The following CEP128 variants were observed in gnomAD, a reference collection of about 807,000 sequenced individuals.
The protein encoded by CEP128 is centrosomal protein 128, also known as centrosomal protein 128kDa.
In CEP128, 132 loss-of-function variants were observed where a neutral mutation model predicts 156.7. That is an observed-to-expected ratio of 0.84 (90% CI 0.73 to 0.97). CEP128 has a LOEUF of 0.97. CEP128 is among the 50% of genes least tolerant of loss of function. The pLI, the probability that CEP128 is intolerant of heterozygous loss-of-function variation, is 0.00. For synonymous variants in CEP128, 469 were observed against 448.9 expected (o/e 1.04, Z -0.57); for missense variants, 1,252 against 1,281.9 (o/e 0.98, Z 0.36).
At chr14:80,704,003 G>T (rs1342550446) in intron 19 of CEP128, among the ~76,000 whole-genome samples, 1 of 152,010 alleles carries the variant, frequency 6.6e-6, no homozygotes, top group African/African-American at 2.4e-5. Flanking sequence ...TCTTAATTTA[G>T]ATTCAACCCA....
At chr14:80,761,356 T>C (rs1899957212) in intron 17 of CEP128, 81 bp downstream of exon 17, 2 of 1,084,858 alleles carry the variant, frequency 1.8e-6, no homozygotes, top group Non-Finnish European at 1.3e-6. Context: ...ATAATCTGAC[T>C]ACCACACATG....
intron 9 of CEP128, among the ~76,000 whole-genome samples, chr14:80,857,197 C>CA (rs1484201860): frequency 7.0e-6 from 1 of 143,512 alleles, no homozygotes; most frequent in Admixed American, 7.2e-5. Context: ...ATTGAACCTG[C>CA]AAAAAAAGTG....
upstream of CEP128, among the ~76,000 whole-genome samples, chr14:80,944,036 T>C (rs1202930551): frequency 6.6e-6 from 1 of 152,022 alleles, no homozygotes; most frequent in African/African-American, 2.4e-5. Flanking sequence ...ACTGAATCTT[T>C]GTTTTTTATG....
At chr14:80,842,000 T>C (rs1007573968) in intron 9 of CEP128, among the ~76,000 whole-genome samples, 3 of 152,026 alleles carry the variant, frequency 2.0e-5, no homozygotes, top group Non-Finnish European at 2.9e-5. Flanking sequence ...GTTGGTTGAA[T>C]AAAAGAAACT....
At chr14:80,927,951 A>G (rs1017166684) in intron 2 of CEP128, among the ~76,000 whole-genome samples, 1 of 152,204 alleles carries the variant, frequency 6.6e-6, no homozygotes, top group African/African-American at 2.4e-5. Context: ...CACACCCAGC[A>G]CATCGCTACT....
intron 18 of CEP128, among the ~76,000 whole-genome samples, chr14:80,751,999 T>C (rs1899423678): frequency 6.6e-6 from 1 of 152,166 alleles, no homozygotes; most frequent in Admixed American, 6.5e-5. Flanking sequence ...TATTCATAAG[T>C]ATCTAGTAAA....
intron 19 of CEP128, among the ~76,000 whole-genome samples, chr14:80,693,331 C>G (rs1383112258): frequency 6.6e-6 from 1 of 152,034 alleles, no homozygotes; most frequent in Non-Finnish European, 1.5e-5. Flanking sequence ...AAGAAAACGA[C>G]ATCTACATGT....
rs76763667 is a variant in CEP128, at chr14:80,620,754, A to C, written c.2807-40331T>G. Among the ~76,000 whole-genome samples the C allele has an allele frequency of 6.3e-4, 96 of 152,316 alleles. No homozygotes were observed. In the East Asian group the frequency reaches 6.6e-3, roughly 10 times the overall value. ...AAACTGATCCTAAGATCCTCTTAATATCTGAGGGTAGAAATATTGAGGCAT... is the reference window on the plus strand; with the variant it reads ...AAACTGATCCTAAGATCCTCTTAATCTCTGAGGGTAGAAATATTGAGGCAT... On this transcript the variant is annotated intron_variant, in intron 19 of 24. Transcript: ENST00000555265.
intron 19 of CEP128, among the ~76,000 whole-genome samples, chr14:80,655,950 T>C (rs1193684522): frequency 6.6e-6 from 1 of 152,030 alleles, no homozygotes. Flanking sequence ...TTATCTTCTT[T>C]TTATTGCAAC....
At chr14:80,773,201 A>T (rs1900609407) in intron 16 of CEP128, among the ~76,000 whole-genome samples, 1 of 152,206 alleles carries the variant, frequency 6.6e-6, no homozygotes, top group Admixed American at 6.5e-5. Flanking sequence ...ATAAAATGAA[A>T]ATCATCAGTA....
At chr14:80,579,930 T>C (rs1472990426) in intron 20 of CEP128, among the ~76,000 whole-genome samples, 3 of 152,208 alleles carry the variant, frequency 2.0e-5, no homozygotes, top group African/African-American at 7.2e-5. Context: ...CTGTACTGAA[T>C]TGAGAGGCTG....
In CEP128 at chr14:80,602,511, CTTGTAATCCCAGCACT is replaced by C. The variant is rs560836363; in HGVS notation, c.2807-22104_2807-22089del. ...AGGAGGCTGGGCGTGGTGGCTTATG[CTTGTAATCCCAGCACT>C]TTGGGAGGCCAAGGTAGGTGGATCA... On this transcript the variant is annotated intron_variant, in intron 19 of 24. Transcript: ENST00000555265. Among the ~76,000 whole-genome samples, 156 of 152,328 alleles carry C rather than the reference CTTGTAATCCCAGCACT, an allele frequency of 1.0e-3. No individual in the cohort carries two copies. The Middle Eastern group carries it at 0.027, about 27-fold the overall frequency.
chr14:80,761,155 T>G (rs1227072168), intron 17 of CEP128, among the ~76,000 whole-genome samples: 2 of 151,758 alleles, frequency 1.3e-5, no homozygotes, highest in African/African-American at 4.8e-5. Flanking sequence ...AAAACTCAAA[T>G]TCCAGGCCTC....
intron 8 of CEP128, among the ~76,000 whole-genome samples, chr14:80,864,028 A>T (rs1188916033): frequency 3.9e-5 from 6 of 152,240 alleles, no homozygotes; most frequent in African/African-American, 1.4e-4. Context: ...TGAGATAGCA[A>T]GACCAATTCT....
intron 15 of CEP128, among the ~76,000 whole-genome samples, chr14:80,778,894 C>A (rs1288512616): frequency 6.6e-6 from 1 of 152,144 alleles, no homozygotes; most frequent in East Asian, 1.9e-4. Flanking sequence ...TCGTAACAAC[C>A]TGTGAGAATC....
intron 19 of CEP128, among the ~76,000 whole-genome samples, chr14:80,656,275 TTATTTATATATATATTTATATATA>T (rs1324871149): frequency 0.023 from 1,007 of 44,516 alleles, 103 homozygotes; most frequent in African/African-American, 0.029. Flanking sequence ...ACCTAAGTTT[TTATTTATATATATATTTATATATA>T]TATATATATA....
intron 24 of CEP128, among the ~76,000 whole-genome samples, chr14:80,501,479 A>G (rs761937956): frequency 1.3e-4 from 19 of 151,642 alleles, no homozygotes; most frequent in Non-Finnish European, 2.2e-4. Flanking sequence ...AAAAATATTT[A>G]CCTCCTTTTC....
At chr14:80,894,777 T>C (rs1370152968) in intron 8 of CEP128, 13 of 305,106 alleles carry the variant, frequency 4.3e-5, no homozygotes, top group Admixed American at 9.7e-5. Flanking sequence ...AATTTTCAAA[T>C]ACCCTATTTT....
At chr14:80,728,868 T>C (rs1341300472) in intron 19 of CEP128, among the ~76,000 whole-genome samples, 2 of 152,190 alleles carry the variant, frequency 1.3e-5, no homozygotes, top group Non-Finnish European at 2.9e-5. Context: ...TAACCACATA[T>C]TAAATAGCTA....
Sources: allele counts gnomAD v4.1 joint callset (sites outside exome capture counted in the v4.1 genomes callset), GRCh38; gene constraint gnomAD v4.1.1; transcripts MANE v1.5; gene names NCBI Gene and HGNC (gene_info 2026-07-23, HGNC 2026-07-21).